Variants in PREX2 observed in about 807,000 individuals in gnomAD.
PREX2 encodes phosphatidylinositol-3,4,5-trisphosphate dependent Rac exchange factor 2, also known as phosphatidylinositol 3,4,5-trisphosphate-dependent Rac exchanger 2 protein.
In PREX2, 107 loss-of-function variants were observed where a neutral mutation model predicts 203.2. The ratio of observed to expected loss-of-function variants is 0.53; its 90% confidence interval spans 0.45 to 0.62. The LOEUF is 0.62. Among genes scored for constraint, PREX2 ranks in the 20% least tolerant of loss-of-function variants. The probability of loss-of-function intolerance (pLI) is 0.00; values close to 1 mark genes in which losing one functional copy is unlikely to be tolerated. For missense variants in PREX2, 1,777 were observed against 1,955.9 expected (o/e 0.91, Z 1.72); for synonymous variants, 672 against 663.6 (o/e 1.01, Z -0.19).
chr8:68,059,841 C>G (rs866333329), intron 10 of PREX2, among the ~76,000 whole-genome samples: 1 of 152,202 alleles, frequency 6.6e-6, no homozygotes, highest in Non-Finnish European at 1.5e-5. Context: ...AAGGGTTGCT[C>G]TCAGCTTCTG....
At chr8:68,139,413 G>A (rs1257683310) in intron 33 of PREX2, among the ~76,000 whole-genome samples, 1 of 152,206 alleles carries the variant, frequency 6.6e-6, no homozygotes, top group Non-Finnish European at 1.5e-5. Flanking sequence ...CATAGGTGGA[G>A]TGGAGCAAGT....
At chr8:68,201,736 A>G (rs1363623694) in intron 37 of PREX2, among the ~76,000 whole-genome samples, 2 of 152,040 alleles carry the variant, frequency 1.3e-5, no homozygotes, top group Admixed American at 6.6e-5. Context: ...CTTCAGTCCA[A>G]TCAAGTTGAC....
At chr8:68,136,551 C>T (rs1585820670) in intron 32 of PREX2, among the ~76,000 whole-genome samples, 1 of 152,262 alleles carries the variant, frequency 6.6e-6, no homozygotes, top group Non-Finnish European at 1.5e-5. Flanking sequence ...TCAAAGGCCA[C>T]ACTGTCTGGA....
intron 31 of PREX2, among the ~76,000 whole-genome samples, chr8:68,129,188 G>A (rs780454519): frequency 1.3e-5 from 2 of 152,200 alleles, no homozygotes; most frequent in Non-Finnish European, 2.9e-5. Flanking sequence ...TAGAAGGTTA[G>A]GCATATTGAT....
chr8:68,207,820 G>A (rs987754286), intron 37 of PREX2, among the ~76,000 whole-genome samples: 3 of 152,000 alleles, frequency 2.0e-5, no homozygotes, highest in African/African-American at 7.3e-5. Flanking sequence ...TCTTGCCCAT[G>A]TTCTTAATCC....
chr8:67,995,561 T>C (rs1420173149), intron 1 of PREX2, among the ~76,000 whole-genome samples: 2 of 152,204 alleles, frequency 1.3e-5, no homozygotes, highest in Non-Finnish European at 2.9e-5. Context: ...ACTTTCATAT[T>C]GTCAACGTGA....
At position 68,115,021 on chromosome 8, in the gene PREX2, CTTT is replaced by C. The variant is rs5892137; in HGVS notation, c.3147-711_3147-709del. Among the ~76,000 whole-genome samples, 506 of 86,826 alleles carry C rather than the reference CTTT, an allele frequency of 5.8e-3. 2 individuals are homozygous for C. The highest frequency in any genetic ancestry group is 0.014 in the African/African-American group (244 of 17,942). 57.0% of individuals were successfully genotyped at this position (86,826 alleles called of 152,430 possible). ...TTCTTTTCTTTCTTTTCTTTTCTTT[CTTT>C]TTTTTTTTTTTTTTTTTTTTGAGTT... On this transcript the variant is annotated intron_variant, in intron 25 of 39. Coordinates refer to ENST00000288368, the MANE Select transcript of PREX2 (RefSeq NM_024870.4).
chr8:68,013,384 C>T (rs1807321224), intron 1 of PREX2, among the ~76,000 whole-genome samples: 1 of 152,142 alleles, frequency 6.6e-6, no homozygotes, highest in Non-Finnish European at 1.5e-5. Context: ...CCCTTAGAAC[C>T]TCAGATTGGA....
Position 68,022,274 on chromosome 8 carries a change from TC to T in PREX2, c.441+136del, listed in dbSNP as rs1807592270. 4 of 575,938 alleles carry T rather than the reference TC, an allele frequency of 6.9e-6. No homozygotes were observed. In the South Asian group the frequency reaches 8.5e-5, roughly 12 times the overall value. 35.7% of individuals were successfully genotyped at this position (575,938 alleles called of 1,614,324 possible). On this transcript the variant is annotated intron_variant, in intron 4 of 39. Transcript: ENST00000288368. ...GCATCCCCAGGCGAGGAAGCAAGAG[TC>T]CTTTGATGAAAATAAAAGTGAGAGC...
Position 68,060,672 on chromosome 8 carries a change from C to T in PREX2, c.1239-7C>T. 2 of 1,605,154 alleles carry T rather than the reference C, an allele frequency of 1.2e-6. No individual in the cohort carries two copies. The highest frequency in any genetic ancestry group is 1.7e-4 in the Middle Eastern group (1 of 6,020). ...CGTTTAGCTTTTTCACTGACTTTCT[C>T]TTGCAGCGAATTTGTGTCATGGCTG... On this transcript the variant is annotated splice_region_variant and splice_polypyrimidine_tract_variant and intron_variant, in intron 10 of 39. Transcript: ENST00000288368.
In PREX2 at chr8:68,233,343, T is replaced by A. The variant is rs1489369756; in HGVS notation, c.*1965T>A. On this transcript the variant is annotated 3_prime_UTR_variant, in exon 40 of 40. Coordinates refer to ENST00000288368, the MANE Select transcript of PREX2 (RefSeq NM_024870.4). ...TAGAGGCATGCAAGGGTCATTAAAA[T>A]GATTTCAGTTGTACTTTGCCATATT... 6.6e-6 allele frequency: 1 copy of A among 152,182 alleles called. No homozygotes were observed. The highest frequency in any genetic ancestry group is 1.5e-5 in the Non-Finnish European group (1 of 68,020). The allele number at this position is 152,182 out of a possible 1,614,324, so 9.4% of individuals were successfully genotyped here. A position where few individuals can be genotyped will look rare whatever the true frequency, so the allele number is the denominator to read the frequency against.
chr8:68,157,071 G>A (rs1000181223), intron 34 of PREX2, among the ~76,000 whole-genome samples: 7 of 152,124 alleles, frequency 4.6e-5, no homozygotes, highest in African/African-American at 1.4e-4. Context: ...TATACAAAAT[G>A]TTTTAAAAAT....
intron 1 of PREX2, among the ~76,000 whole-genome samples, chr8:68,007,641 G>T (rs148557796): frequency 6.6e-6 from 1 of 152,094 alleles, no homozygotes; most frequent in Non-Finnish European, 1.5e-5. Flanking sequence ...ACGGAGTCTC[G>T]CTTTGTCGCC....
At chr8:67,979,844 G>A (rs544254341) in intron 1 of PREX2, among the ~76,000 whole-genome samples, 1 of 152,104 alleles carries the variant, frequency 6.6e-6, no homozygotes, top group Non-Finnish European at 1.5e-5. Flanking sequence ...TATTTATTGA[G>A]TGTTTTCCGT....
At chr8:68,135,900 G>A (rs1345863915) in intron 32 of PREX2, among the ~76,000 whole-genome samples, 1 of 152,110 alleles carries the variant, frequency 6.6e-6, no homozygotes, top group Admixed American at 6.6e-5. Context: ...GCAATAAAAT[G>A]GAATGGAGTA....
Position 68,120,197 on chromosome 8 carries a change from T to C in PREX2, c.3506T>C (p.Val1169Ala). 1 of 1,601,172 alleles carries C rather than the reference T, an allele frequency of 6.2e-7. No individual in the cohort carries two copies. Among genetic ancestry groups the C allele is most frequent in the Non-Finnish European group, 8.6e-7 (1 of 1,168,396 alleles). ...CTCGGAAATCTCTACTATTGATAGG[T>C]GGATTCAATTACCAATCTCCTAAAA... is the stretch of plus-strand genomic sequence containing the variant. Reference protein sequence around the residue: ...HSCLEHLFSQVDSITNLLKGQ... With the variant: ...HSCLEHLFSQADSITNLLKGQ... The change falls in exon 29 of 40, where the codon GTG (valine) becomes GCG (alanine). Residue 1169 changes from valine to alanine, a missense_variant and splice_region_variant. Transcript: ENST00000288368.
Position 68,014,518 on chromosome 8 carries a change from T to C in PREX2, c.142-3328T>C, listed in dbSNP as rs914842522. On this transcript the variant is annotated intron_variant, in intron 1 of 39. Transcript: ENST00000288368. The stretch of plus-strand genomic sequence containing the variant: ...TTAGCCTGTCTTTGACTCACCTGTG[T>C]AGTGTCTGCATCTCCCTACCCTTCA... 1.3e-5 allele frequency among the ~76,000 whole-genome samples: 2 copies of C among 152,264 alleles called. 1 individual carries two copies. Among genetic ancestry groups the C allele is most frequent in the Admixed American group, 1.3e-4 (2 of 15,286 alleles).
intron 32 of PREX2, among the ~76,000 whole-genome samples, chr8:68,135,191 G>A (rs1301389552): frequency 6.6e-6 from 1 of 151,818 alleles, no homozygotes; most frequent in Non-Finnish European, 1.5e-5. Flanking sequence ...TTGAATGAAT[G>A]TGTAAATGAG....
At chr8:68,023,636 A>T (rs972547014) in intron 4 of PREX2, among the ~76,000 whole-genome samples, 1 of 152,110 alleles carries the variant, frequency 6.6e-6, no homozygotes, top group Non-Finnish European at 1.5e-5. Context: ...CTAATTTATT[A>T]CATTTTTCTC....
Sources: gnomAD v4.1 joint callset for allele counts (sites outside exome capture counted in the v4.1 genomes callset) on GRCh38, gnomAD v4.1.1 for gene constraint, MANE v1.5 for transcripts, NCBI Gene and HGNC (gene_info 2026-07-23, HGNC 2026-07-21) for gene names.